LLGL1: variants seen among roughly 807,000 people sequenced by gnomAD.
LLGL1 encodes lethal(2) giant larvae protein homolog 1.
LLGL1 carries 58 observed loss-of-function variants against 110.6 expected under a neutral mutation model. The ratio of observed to expected loss-of-function variants is 0.52; its 90% CI spans 0.42 to 0.65. LLGL1 has a LOEUF of 0.65. Ranked by LOEUF, LLGL1 falls within the 30% of genes least tolerant of loss-of-function variation. The pLI is 0.00. For missense variants in LLGL1, 1,229 were observed against 1,462.1 expected (o/e 0.84, Z 2.60); for synonymous variants, 674 against 607.2 (o/e 1.11, Z -1.62).
intron 20 of LLGL1, 38 bp from the exon 21 acceptor site, chr17:18,242,468 CTA>C: frequency 6.2e-7 from 1 of 1,612,190 alleles, no homozygotes; most frequent in Non-Finnish European, 8.5e-7. Flanking sequence ...GCAGAGGGTG[CTA>C]AGGGTCCTGG....
chr17:18,231,946 C>G (rs1262327569), intron 2 of LLGL1, among the ~76,000 whole-genome samples: 2 of 152,234 alleles, frequency 1.3e-5, no homozygotes, highest in Admixed American at 1.3e-4. Context: ...GAGCGAGCCA[C>G]CGTGCCCAGA....
rs370211898 is a variant in LLGL1, at chr17:18,234,734, G to A, written c.905+31G>A. On this transcript the variant is annotated intron_variant, in intron 8 of 22. Transcript: ENST00000316843. ...TCGAGGGAGTGGGTGTCCGATGTGA[G>A]TTGGGTCTGGCTAGGGGGCTGGAAG... 78 of 1,614,030 alleles carry A rather than the reference G, an allele frequency of 4.8e-5. No individual in the cohort carries two copies. In the East Asian group the frequency reaches 4.9e-4, roughly 10 times the overall value.
In LLGL1 at chr17:18,242,746, C is replaced by G; in HGVS notation, c.3120C>G (p.Ser1040=). 6.4e-7 allele frequency: 1 copy of G among 1,568,126 alleles called. No homozygotes were observed. The highest frequency in any genetic ancestry group is 8.7e-7 in the Non-Finnish European group (1 of 1,155,710). Residue 1040 remains serine, a synonymous_variant, in exon 22 of 23, where the codon TCC becomes TCG. Transcript: ENST00000316843. ...TVEDVKDFLG[S]SEESEKNLRN... The stretch of plus-strand genomic sequence containing the variant: ...GAGCACCATCCCCATCTCGCAGCTC[C>G]TCTGAGGAGTCAGAGAAGAACCTGA...
At chr17:18,242,716 C>G (rs1419180158) in intron 21 of LLGL1, 27 bp from the exon 22 acceptor site, 5 of 1,561,730 alleles carry the variant, frequency 3.2e-6, no homozygotes, top group Non-Finnish European at 4.3e-6. Context: ...CCCGCCCCCA[C>G]CCCTGAGCAC....
chr17:18,233,729 G>C, intron 4 of LLGL1, 49 bp from the exon 5 acceptor site: 1 of 1,564,492 alleles, frequency 6.4e-7, no homozygotes, highest in Non-Finnish European at 8.7e-7. Flanking sequence ...CCCCACCTGA[G>C]CAGGTGGATG....
chr17:18,240,735 G>A lies in LLGL1; in HGVS notation c.2364G>A (p.Ala788=), dbSNP rs754225102. The stretch of plus-strand genomic sequence containing the variant: ...AGGAGGTGCAGCTGATGCACCGGGC[G>A]CCTGTGGTGGCCATTGCCGTGTTGG... ...LGKEVQLMHR[A]PVVAIAVLDG... The change falls in exon 17 of 23, where the codon GCG becomes GCA. Residue 788 remains alanine (A), a synonymous_variant. Coordinates refer to ENST00000316843, the MANE Select transcript of LLGL1 (RefSeq NM_004140.4). This position sits in a 1 kb window ranked among gnomAD's most constrained non-coding sequence, Gnocchi z 5.3. 1.9e-5 allele frequency: 31 copies of A among 1,612,184 alleles called. No homozygotes were observed. The highest frequency in any genetic ancestry group is 5.0e-5 in the Admixed American group (3 of 59,904).
rs1597877603 is a variant in LLGL1 at position 18,240,255 on chromosome 17, T to G, written c.2207-323T>G. On this transcript the variant is annotated intron_variant, in intron 16 of 22. Transcript: ENST00000316843. The surrounding 1 kb of genome is among the most constrained non-coding windows in gnomAD (Gnocchi z 5.3). ...CGTTTACTGAGATGGGGGCTGAGGG[T>G]GCAGTGGGATGGGGCTGGAGGTCTG... 1.3e-5 allele frequency among the ~76,000 whole-genome samples: 2 copies of G among 151,878 alleles called. No homozygotes were observed. The highest frequency in any genetic ancestry group is 6.8e-3 in the Middle Eastern group (2 of 292).
chr17:18,227,464 T>C (rs1298891476), intron 1 of LLGL1, among the ~76,000 whole-genome samples: 1 of 151,836 alleles, frequency 6.6e-6, no homozygotes, highest in Non-Finnish European at 1.5e-5. Flanking sequence ...CACAGTCCAC[T>C]GCAGCCTCAC....
At position 18,242,238 on chromosome 17, in the gene LLGL1, C is replaced by A. The variant is rs149387516; in HGVS notation, c.2955C>A (p.Ser985Arg). 1.3e-4 allele frequency: 207 copies of A among 1,613,994 alleles called. No homozygotes were observed. The highest frequency in any genetic ancestry group is 3.3e-4 in the Middle Eastern group (2 of 6,084). ...GTPSILLAPQSLDGSPDPAHS... is the reference protein window; with the variant it reads ...GTPSILLAPQRLDGSPDPAHS... ...CAAGCATCCTGCTGGCCCCACAGAG[C>A]CTTGATGGAAGCCCTGATCCAGCCC... Residue 985 changes from serine to arginine, a missense_variant, in exon 20 of 23, where the codon AGC becomes AGA. Ser to Arg is a moderately radical substitution (Grantham distance 110). Coordinates refer to ENST00000316843, the MANE Select transcript of LLGL1 (RefSeq NM_004140.4).
At position 18,244,265 on chromosome 17, in the gene LLGL1, G is replaced by C. The variant is rs1325744195; in HGVS notation, c.*359G>C. 2 of 140,878 alleles carry C rather than the reference G, an allele frequency of 1.4e-5. No homozygotes were observed. Among genetic ancestry groups the C allele is most frequent in the African/African-American group, 5.4e-5 (2 of 37,146 alleles). 8.7% of individuals were successfully genotyped at this position (140,878 alleles called of 1,614,324 possible). ...CCTTTTTTTTTTTTTTCTTAAAGAC[G>C]GAGTCTTGCTCTGTCGCCCAGGCTG... On this transcript the variant is annotated 3_prime_UTR_variant, in exon 23 of 23. Transcript: ENST00000316843.
chr17:18,228,737 G>T (rs1019972099), intron 1 of LLGL1, among the ~76,000 whole-genome samples: 3 of 152,294 alleles, frequency 2.0e-5, no homozygotes, highest in Middle Eastern at 3.4e-3. Flanking sequence ...CAGCAAGGGC[G>T]TGGTATTATT....
intron 2 of LLGL1, among the ~76,000 whole-genome samples, chr17:18,230,789 T>C (rs1250128459): frequency 6.6e-6 from 1 of 152,002 alleles, no homozygotes; most frequent in Non-Finnish European, 1.5e-5. Context: ...GTGTCAGTGC[T>C]GGGAAAGGGG....
rs2047939293 is a variant in LLGL1 at position 18,244,548 on chromosome 17, A to G, written c.*642A>G. 1 of 151,916 alleles carries G rather than the reference A, an allele frequency of 6.6e-6. No individual in the cohort carries two copies. The highest frequency in any genetic ancestry group is 1.5e-5 in the Non-Finnish European group (1 of 68,030). 9.4% of individuals were successfully genotyped at this position (151,916 alleles called of 1,614,324 possible). On this transcript the variant is annotated 3_prime_UTR_variant, in exon 23 of 23. Coordinates refer to ENST00000316843, the MANE Select transcript of LLGL1 (RefSeq NM_004140.4). ...GTGAGCCACCATGCCCAGCCCTGCA[A>G]AGAGTATTTTTCTAGCGCCTGGGCT...
chr17:18,233,281 C>G (rs1489622813), intron 4 of LLGL1, among the ~76,000 whole-genome samples: 1 of 152,120 alleles, frequency 6.6e-6, no homozygotes, highest in African/African-American at 2.4e-5. Flanking sequence ...GCAGCATGCC[C>G]CAGCTGAGTG....
chr17:18,241,887 T>C lies in LLGL1; in HGVS notation c.2770T>C (p.Phe924Leu), dbSNP rs546417717. 1 of 1,612,934 alleles carries C rather than the reference T, an allele frequency of 6.2e-7. No homozygotes were observed. Among genetic ancestry groups the C allele is most frequent in the South Asian group, 1.1e-5 (1 of 91,058 alleles). The change falls in exon 19 of 23, where the codon TTT becomes CTT. Residue 924 changes from phenylalanine to leucine, a missense_variant and splice_region_variant. Transcript: ENST00000316843. ...TCCTCATTCTTCTGCCCACCCAGGC[T>C]TTTACCTGATATCCCCATCAGAATT... is the stretch of plus-strand genomic sequence containing the variant. ...SCVFTRHGQG[F>L]YLISPSEFER...
intron 4 of LLGL1, among the ~76,000 whole-genome samples, chr17:18,233,075 C>A (rs910596975): frequency 6.6e-6 from 1 of 152,254 alleles, no homozygotes; most frequent in Non-Finnish European, 1.5e-5. Context: ...ATATGCCAAA[C>A]TTCTAGGACC....
chr17:18,237,969 G>A (rs1244763689), intron 14 of LLGL1, 98 bp from the exon 15 acceptor site: 2 of 1,445,656 alleles, frequency 1.4e-6, no homozygotes, highest in Non-Finnish European at 1.9e-6. Flanking sequence ...CAGAGGGGCT[G>A]TGACTCCCTG....
Position 18,241,717 on chromosome 17 carries a change from T to G in LLGL1, c.2767+2T>G. 2 of 1,612,038 alleles carry G rather than the reference T, an allele frequency of 1.2e-6. No homozygotes were observed. The highest frequency in any genetic ancestry group is 1.7e-6 in the Non-Finnish European group (2 of 1,179,142). ...GCGTCTTTACGCGCCATGGCCAGGG[T>G]GAGGCGGGGCAGAGGCCGAGGAGGC... On this transcript the variant is annotated splice_donor_variant, in intron 18 of 22. Transcript: ENST00000316843. LOFTEE classifies it high-confidence loss of function.
At chr17:18,237,321 C>A in intron 13 of LLGL1, 160 bp from the exon 14 acceptor site, 1 of 691,966 alleles carries the variant, frequency 1.4e-6, no homozygotes, top group Non-Finnish European at 2.4e-6. Flanking sequence ...CCTTGGTATA[C>A]AGTAGGCATT....
Sources: allele counts gnomAD v4.1 joint callset (sites outside exome capture counted in the v4.1 genomes callset), GRCh38; gene constraint gnomAD v4.1.1; non-coding constraint Gnocchi (gnomAD v3.1); transcripts MANE v1.5; gene names NCBI Gene and HGNC (gene_info 2026-07-23, HGNC 2026-07-21).